The following FARP1 variants were observed in gnomAD, a reference collection of about 807,000 sequenced individuals.
FARP1 encodes FERM, ARH/RhoGEF and pleckstrin domain protein 1.
In FARP1, 52 loss-of-function variants were observed where a neutral mutation model predicts 128.8. The observed-to-expected ratio is 0.40, with a 90% CI of 0.32 to 0.51. FARP1 has a LOEUF of 0.51. FARP1 is among the 20% of genes least tolerant of loss of function. FARP1 has a pLI of 0.45. For synonymous variants in FARP1, 580 were observed against 551.8 expected (o/e 1.05, Z -0.72); for missense variants, 1,333 against 1,367.9 (o/e 0.97, Z 0.40).
At chr13:98,224,088 T>G (rs1342891729) in intron 2 of FARP1, among the ~76,000 whole-genome samples, 1 of 152,192 alleles carries the variant, frequency 6.6e-6, no homozygotes, top group Non-Finnish European at 1.5e-5. Context: ...GGCATAAGAC[T>G]GAGTGTGTAA....
intron 2 of FARP1, among the ~76,000 whole-genome samples, chr13:98,308,186 C>T (rs1886269390): frequency 6.6e-6 from 1 of 151,948 alleles, no homozygotes; most frequent in African/African-American, 2.4e-5. Flanking sequence ...TCACATTTGA[C>T]TTTGTTTACG....
chr13:98,417,884 A>G (rs1891448140), intron 16 of FARP1, among the ~76,000 whole-genome samples: 1 of 152,244 alleles, frequency 6.6e-6, no homozygotes, highest in Admixed American at 6.5e-5. Context: ...TCATCATTCT[A>G]CTAGCTCTCT....
intron 2 of FARP1, among the ~76,000 whole-genome samples, chr13:98,337,287 C>T (rs565495302): frequency 1.5e-3 from 235 of 152,172 alleles, no homozygotes; most frequent in Non-Finnish European, 2.3e-3. Context: ...GTGGGAGGAT[C>T]GCTTGAGCCC....
chr13:98,265,881 T>C (rs1212623683), intron 2 of FARP1, among the ~76,000 whole-genome samples: 2 of 152,136 alleles, frequency 1.3e-5, no homozygotes, highest in Non-Finnish European at 2.9e-5. Flanking sequence ...GCCACCTCCA[T>C]ATGTCAAGCT....
Position 98,232,144 on chromosome 13 carries a change from G to GTTTTTTTT in FARP1, c.171+18731_171+18732insTTTTTTTT, listed in dbSNP as rs1555329634. On this transcript the variant is annotated intron_variant, in intron 2 of 26. Transcript: ENST00000319562. ...CGTGCCCGGCTTTTTTTGTTTGGTT[G>GTTTTTTTT]GTTTTTTTTTTTTTTTTTTTTTGCT... is the stretch of plus-strand genomic sequence containing the variant. Among the ~76,000 whole-genome samples the GTTTTTTTT allele has an allele frequency of 1.6e-3, 176 of 111,612 alleles. 17 individuals carry two copies. The highest frequency in any genetic ancestry group is 2.8e-3 in the African/African-American group (66 of 23,604). The allele number at this position is 111,612 out of a possible 152,430, so 73.2% of individuals were successfully genotyped here.
chr13:98,217,785 T>G (rs962611779), intron 2 of FARP1, among the ~76,000 whole-genome samples: 5 of 152,236 alleles, frequency 3.3e-5, no homozygotes, highest in African/African-American at 1.2e-4. Flanking sequence ...GGCCACTCCT[T>G]GGAGGGCAAG....
chr13:98,175,523 GA>G (rs5806050), intron 1 of FARP1, among the ~76,000 whole-genome samples: 4 of 150,514 alleles, frequency 2.7e-5, no homozygotes, highest in Admixed American at 6.6e-5. Flanking sequence ...TAGCTTTTTT[GA>G]AAAAAAAAAT....
intron 2 of FARP1, among the ~76,000 whole-genome samples, chr13:98,216,811 T>A (rs4771296): frequency 0.62 from 94,149 of 152,106 alleles, 30,670 homozygotes; most frequent in African/African-American, 0.83. Context: ...GAACTTGGAC[T>A]GTCTTTTTAG....
At chr13:98,343,347 A>T (rs533676997) in intron 2 of FARP1, among the ~76,000 whole-genome samples, 1 of 152,266 alleles carries the variant, frequency 6.6e-6, no homozygotes, top group Admixed American at 6.5e-5. Flanking sequence ...TGTGTGAGCT[A>T]TGGAGTGTGA....
At position 98,358,153 on chromosome 13, in the gene FARP1, G is replaced by A. The variant is rs542355219; in HGVS notation, c.277-7242G>A. The stretch of plus-strand genomic sequence containing the variant: ...TGTGGCTCTCCTAAGTTTTTTTTGG[G>A]TATCTCTCTACTCCCTGGTACTCTG... On this transcript the variant is annotated intron_variant, in intron 3 of 26. Coordinates refer to ENST00000319562, the MANE Select transcript of FARP1 (RefSeq NM_005766.4). Among the ~76,000 whole-genome samples, 4 of 150,786 alleles carry A rather than the reference G, an allele frequency of 2.7e-5. No homozygotes were observed. In the East Asian group the frequency reaches 7.8e-4, roughly 29 times the overall value.
chr13:98,344,014 C>T (rs1160943356), intron 3 of FARP1, 148 bp downstream of exon 3: 1 of 640,560 alleles, frequency 1.6e-6, no homozygotes, highest in African/African-American at 1.9e-5. Flanking sequence ...GTGTATTTGA[C>T]ACCTCAGTAC....
At chr13:98,168,222 T>C (rs1290627844) in intron 1 of FARP1, among the ~76,000 whole-genome samples, 1 of 152,112 alleles carries the variant, frequency 6.6e-6, no homozygotes, top group Non-Finnish European at 1.5e-5. Context: ...GCCATGCTGT[T>C]GTAATAGACT....
At chr13:98,150,188 G>A (rs182390927) in intron 1 of FARP1, among the ~76,000 whole-genome samples, 233 of 151,916 alleles carry the variant, frequency 1.5e-3, no homozygotes, top group Admixed American at 2.4e-3. Context: ...ACAGGCATGC[G>A]CCATGCTATT....
chr13:98,341,900 T>C (rs1266158892), intron 2 of FARP1, among the ~76,000 whole-genome samples: 1 of 152,138 alleles, frequency 6.6e-6, no homozygotes, highest in Non-Finnish European at 1.5e-5. Context: ...TCAGCAGACA[T>C]TGATTGATTG....
chr13:98,444,368 A>AAGAAGGGAGAGGAGCGGGGGG (rs1892688509), intron 24 of FARP1, among the ~76,000 whole-genome samples: 1 of 150,066 alleles, frequency 6.7e-6, no homozygotes, highest in Admixed American at 6.6e-5. Flanking sequence ...AGGGAATGGG[A>AAGAAGGGAGAGGAGCGGGGGG]TCCAAGAAGG....
intron 2 of FARP1, among the ~76,000 whole-genome samples, chr13:98,307,983 T>C (rs1458693214): frequency 6.6e-6 from 1 of 150,500 alleles, no homozygotes; most frequent in Non-Finnish European, 1.5e-5. Flanking sequence ...TTGAACAGGC[T>C]GCCCCTGGCC....
chr13:98,176,350 G>A lies in FARP1; in HGVS notation c.-24+32858G>A, dbSNP rs377323551. 198 of 1,613,902 alleles carry A rather than the reference G, an allele frequency of 1.2e-4. No homozygotes were observed. The highest frequency in any genetic ancestry group is 1.5e-4 in the African/African-American group (11 of 74,920). On this transcript the variant is annotated intron_variant, in intron 1 of 26. Transcript: ENST00000319562. This position sits in a 1 kb window ranked among gnomAD's most constrained non-coding sequence, Gnocchi z 6.2. ...GGCGGGGTTAAAGATGCCGCCGGTT[G>A]GCTGGTCACAGATGTAGCAGCGCGG...
intron 19 of FARP1, among the ~76,000 whole-genome samples, chr13:98,436,832 G>A (rs1407277147): frequency 6.6e-6 from 1 of 152,210 alleles, no homozygotes; most frequent in African/African-American, 2.4e-5. Context: ...CTGTGGAATC[G>A]ATGTAATTTT....
chr13:98,171,573 T>C (rs1877655085), intron 1 of FARP1, among the ~76,000 whole-genome samples: 1 of 152,240 alleles, frequency 6.6e-6, no homozygotes, highest in Admixed American at 6.5e-5. Context: ...TTTTTGGTGT[T>C]GATACAGGCA....
Sources: gnomAD v4.1 joint callset for allele counts (sites outside exome capture counted in the v4.1 genomes callset) on GRCh38, gnomAD v4.1.1 for gene constraint, Gnocchi (gnomAD v3.1) non-coding constraint, MANE v1.5 for transcripts, NCBI Gene and HGNC (gene_info 2026-07-23, HGNC 2026-07-21) for gene names.